The following OR3A2 variants were observed in gnomAD, a reference collection of about 807,000 sequenced individuals.
The protein encoded by OR3A2 is olfactory receptor 3A2.
For missense variants in OR3A2, 318 were observed against 392.8 expected (o/e 0.81, Z 1.61); for synonymous variants, 126 against 159.3 (o/e 0.79, Z 1.57).
chr17:3,288,446 T>C (rs1301057943), upstream of OR3A2, among the ~76,000 whole-genome samples: 1 of 152,142 alleles, frequency 6.6e-6, no homozygotes, highest in Non-Finnish European at 1.5e-5. Flanking sequence ...CCACCTAGGT[T>C]TGTGCAAGTA....
At chr17:3,306,076 G>A (rs1418139193) in intron 3 of OR3A2, among the ~76,000 whole-genome samples, 6 of 152,208 alleles carry the variant, frequency 3.9e-5, no homozygotes, top group Non-Finnish European at 5.9e-5. Context: ...TCAAGAAGGT[G>A]GTTCAGCAGC....
intron 2 of OR3A2, among the ~76,000 whole-genome samples, chr17:3,376,279 G>A (rs2049682844): frequency 6.6e-6 from 1 of 152,194 alleles, no homozygotes; most frequent in African/African-American, 2.4e-5. Context: ...AGTAGAAGGG[G>A]GATATAAGCT....
intron 2 of OR3A2, among the ~76,000 whole-genome samples, chr17:3,340,114 T>C (rs2150646993): frequency 6.6e-6 from 1 of 152,324 alleles, no homozygotes; most frequent in East Asian, 1.9e-4. Context: ...AGATCAGTGG[T>C]GATATCCCCT....
At chr17:3,312,363 A>C (rs999841717) in intron 3 of OR3A2, among the ~76,000 whole-genome samples, 2 of 152,174 alleles carry the variant, frequency 1.3e-5, no homozygotes, top group African/African-American at 4.8e-5. Flanking sequence ...CTAGTATTGT[A>C]AAGTTAAATT....
At chr17:3,383,092 T>C (rs1217182187) in intron 2 of OR3A2, among the ~76,000 whole-genome samples, 1 of 152,144 alleles carries the variant, frequency 6.6e-6, no homozygotes, top group Non-Finnish European at 1.5e-5. Context: ...TAAGAAAAGA[T>C]CTAAGGTACT....
chr17:3,366,151 C>G (rs1348278614), intron 2 of OR3A2, among the ~76,000 whole-genome samples: 1 of 152,206 alleles, frequency 6.6e-6, no homozygotes, highest in African/African-American at 2.4e-5. Flanking sequence ...CAACTGGATT[C>G]ACTGTCCAAA....
At chr17:3,287,759 C>T (rs188592654), upstream of OR3A2, among the ~76,000 whole-genome samples, 56 of 152,062 alleles carry the variant, frequency 3.7e-4, no homozygotes, top group African/African-American at 1.3e-3. Context: ...AAACTTGCTT[C>T]GTGGGTGGCA....
chr17:3,325,584 T>G (rs1345938249), intron 3 of OR3A2, among the ~76,000 whole-genome samples: 1 of 152,090 alleles, frequency 6.6e-6, no homozygotes, highest in Non-Finnish European at 1.5e-5. Context: ...CACTTGTATT[T>G]TCTTCTGAAC....
chr17:3,385,857 C>A, intron 1 of OR3A2: 1 of 398,620 alleles, frequency 2.5e-6, no homozygotes, highest in South Asian at 1.3e-4. Flanking sequence ...TGCAGGAAGT[C>A]TACCCGGAGT....
At chr17:3,281,847 TAAG>T (rs1212825246) in intron 1 of OR3A2, among the ~76,000 whole-genome samples, 1 of 152,158 alleles carries the variant, frequency 6.6e-6, no homozygotes, top group Admixed American at 6.5e-5. Flanking sequence ...TGGGATGCTT[TAAG>T]AAGAAAATAC....
intron 2 of OR3A2, among the ~76,000 whole-genome samples, chr17:3,340,668 A>T (rs1035240531): frequency 2.0e-5 from 3 of 152,316 alleles, no homozygotes; most frequent in Middle Eastern, 3.4e-3. Flanking sequence ...TTTGCTGAGG[A>T]GTGCTTTACT....
exon 2 of OR3A2, chr17:3,277,304 C>G (rs936659677): frequency 2.6e-5 from 4 of 152,168 alleles, no homozygotes; most frequent in Admixed American, 2.6e-4. Flanking sequence ...ATGAAATAAT[C>G]CATTGCACTA....
At chr17:3,369,849 G>T in intron 2 of OR3A2, among the ~76,000 whole-genome samples, 1 of 146,328 alleles carries the variant, frequency 6.8e-6, no homozygotes. Context: ...TATCACCCAG[G>T]CTGGAGTGCA....
At chr17:3,330,558 T>A (rs1437374147) in intron 3 of OR3A2, among the ~76,000 whole-genome samples, 1 of 152,142 alleles carries the variant, frequency 6.6e-6, no homozygotes, top group Non-Finnish European at 1.5e-5. Context: ...TGTTTTCCAT[T>A]TGCTTGGTAG....
intron 3 of OR3A2, among the ~76,000 whole-genome samples, chr17:3,319,038 GC>G (rs2150634502): frequency 6.6e-6 from 1 of 152,130 alleles, no homozygotes; most frequent in South Asian, 2.1e-4. Context: ...AACCTCCATT[GC>G]TTTTACCTGC....
chr17:3,383,517 G>C (rs1205702614), intron 2 of OR3A2, among the ~76,000 whole-genome samples: 2 of 152,182 alleles, frequency 1.3e-5, no homozygotes, highest in African/African-American at 4.8e-5. Context: ...CAGCCAGTCA[G>C]GATGAAAATC....
chr17:3,371,546 G>T (rs1196818972), intron 2 of OR3A2, among the ~76,000 whole-genome samples: 5 of 142,996 alleles, frequency 3.5e-5, no homozygotes, highest in Non-Finnish European at 6.1e-5. Flanking sequence ...CCTCCCGGAC[G>T]GGGCGGCTGG....
chr17:3,378,472 G>A (rs973629633), intron 2 of OR3A2, among the ~76,000 whole-genome samples: 4 of 152,186 alleles, frequency 2.6e-5, no homozygotes, highest in Admixed American at 1.3e-4. Context: ...GGGGCTTCCT[G>A]GACCCCTAAG....
At chr17:3,308,555 G>A (rs2049015672) in intron 3 of OR3A2, among the ~76,000 whole-genome samples, 1 of 152,192 alleles carries the variant, frequency 6.6e-6, no homozygotes, top group Non-Finnish European at 1.5e-5. Flanking sequence ...AATCAGTAAT[G>A]ACTAAGCTTT....
Sources: gnomAD v4.1 joint callset for allele counts (sites outside exome capture counted in the v4.1 genomes callset) on GRCh38, gnomAD v4.1.1 for gene constraint, MANE v1.5 for transcripts, NCBI Gene and HGNC (gene_info 2026-07-23, HGNC 2026-07-21) for gene names.